The following TTLL4 variants were observed in gnomAD, a reference collection of about 807,000 sequenced individuals.
The protein encoded by TTLL4 is tubulin monoglutamylase TTLL4.
Under a neutral mutation model 122.7 loss-of-function variants are expected in TTLL4, and 85 were observed. The observed-to-expected ratio is 0.69, with a 90% CI of 0.58 to 0.83. The LOEUF is 0.83. Among genes scored for constraint, TTLL4 ranks in the 40% least tolerant of loss-of-function variants. The pLI is 0.00. For synonymous variants in TTLL4, 553 were observed against 563.0 expected, an observed-to-expected ratio of 0.98 and a Z score of 0.25; for missense variants, 1,363 against 1,488.6, an observed-to-expected ratio of 0.92 and a Z score of 1.39.
At position 218,754,461 on chromosome 2, in the gene TTLL4, C is replaced by G; in HGVS notation, c.*72C>G. Reference sequence around the variant, plus strand: ...ACCTCACGGGAACCAGCCTGCTGTTCAGACCAGTCTGACCCCCTACCCCTT... The same window carrying G: ...ACCTCACGGGAACCAGCCTGCTGTTGAGACCAGTCTGACCCCCTACCCCTT... On this transcript the variant is annotated 3_prime_UTR_variant, in exon 20 of 20. Coordinates refer to ENST00000392102, the MANE Select transcript of TTLL4 (RefSeq NM_014640.5). 3 of 1,587,676 alleles carry G rather than the reference C, an allele frequency of 1.9e-6. No individual in the cohort carries two copies. Among genetic ancestry groups the G allele is most frequent in the Non-Finnish European group, 2.6e-6 (3 of 1,165,892 alleles).
At position 218,754,177 on chromosome 2, in the gene TTLL4, G is replaced by A. The variant is rs773432432; in HGVS notation, c.3388G>A (p.Gly1130Arg). The change falls in exon 20 of 20, where the codon GGG becomes AGG. Residue 1130 changes from glycine to arginine, a missense_variant. Gly to Arg is a moderately radical substitution (Grantham distance 125). This residue lies in a region of TTLL4 where 596 missense variants were observed against 655.8 expected (regional missense o/e 0.91). Transcript: ENST00000392102. ...GGTTAGCCTACTACTCTCTGAAGAC[G>A]GGACCACGCCCAAATCCAAGAAGAC... ...CEVSLLLSEDGTTPKSKKTQA... is the reference protein window; with the variant it reads ...CEVSLLLSEDRTTPKSKKTQA... 11 of 1,613,956 alleles carry A rather than the reference G, an allele frequency of 6.8e-6. No homozygotes were observed. Among genetic ancestry groups the A allele is most frequent in the South Asian group, 2.2e-5 (2 of 91,088 alleles).
chr2:218,739,394 T>G (rs1224000776), intron 3 of TTLL4, among the ~76,000 whole-genome samples: 1 of 152,236 alleles, frequency 6.6e-6, no homozygotes, highest in Non-Finnish European at 1.5e-5. Flanking sequence ...GTCCATTCAT[T>G]TGCAGTTGTC....
chr2:218,712,029 A>G (rs1941724397), intron 1 of TTLL4, among the ~76,000 whole-genome samples: 1 of 151,966 alleles, frequency 6.6e-6, no homozygotes, highest in African/African-American at 2.4e-5. Context: ...GCAGCTACTT[A>G]TATTGGACTG....
intron 2 of TTLL4, among the ~76,000 whole-genome samples, chr2:218,732,826 A>C (rs559896875): frequency 6.6e-6 from 1 of 152,332 alleles, no homozygotes; most frequent in African/African-American, 2.4e-5. Context: ...TTTTGATCTC[A>C]TCAGGAATCT....
At chr2:218,723,515 T>C (rs1942103073) in intron 1 of TTLL4, among the ~76,000 whole-genome samples, 1 of 152,198 alleles carries the variant, frequency 6.6e-6, no homozygotes, top group Admixed American at 6.5e-5. Context: ...AGCCAGAGTT[T>C]ACAAATTCAC....
intron 14 of TTLL4, 80 bp downstream of exon 14, chr2:218,749,467 CT>C (rs368058156): frequency 0.15 from 181,733 of 1,179,508 alleles, 521 homozygotes; most frequent in African/African-American, 0.21. Context: ...GTAAGTTGTT[CT>C]TTTTTTTTTT....
rs1276881077 is a variant in TTLL4 at position 218,725,016 on chromosome 2, C to T, written c.-177-2253C>T. Among the ~76,000 whole-genome samples, 8 of 152,124 alleles carry T rather than the reference C, an allele frequency of 5.3e-5. 1 individual carries two copies. The highest frequency in any genetic ancestry group is 5.2e-4 in the Admixed American group (8 of 15,276). ...TTGGGCTCAGGCGATCCTTCTACTT[C>T]AGCTCCCCGACTAGCTGGGACCATA... is the stretch of plus-strand genomic sequence containing the variant. On this transcript the variant is annotated intron_variant, in intron 1 of 19. Transcript: ENST00000392102.
At position 218,755,214 on chromosome 2, in the gene TTLL4, G is replaced by T. The variant is rs1195666683; in HGVS notation, c.*825G>T. ...ACAGTCCAGGGGGAGGGTGGAAGGA[G>T]ATGTGGTTTCTCTATAGTGCAACAA... On this transcript the variant is annotated 3_prime_UTR_variant, in exon 20 of 20. Transcript: ENST00000392102. The T allele has an allele frequency of 6.6e-6, 1 of 152,180 alleles. No individual in the cohort carries two copies. Among genetic ancestry groups the T allele is most frequent in the Non-Finnish European group, 1.5e-5 (1 of 68,068 alleles). The allele number at this position is 152,180 out of a possible 1,614,324, so 9.4% of individuals were successfully genotyped here.
At chr2:218,749,538 G>A (rs895793388) in intron 14 of TTLL4, 151 bp downstream of exon 14, 21 of 1,203,568 alleles carry the variant, frequency 1.7e-5, no homozygotes, top group Non-Finnish European at 2.1e-5. Context: ...GCGCAATCTT[G>A]GCTTACTGCA....
In TTLL4 at chr2:218,737,896, G is replaced by A. The variant is rs763400004; in HGVS notation, c.220G>A (p.Val74Ile). 14 of 1,614,086 alleles carry A rather than the reference G, an allele frequency of 8.7e-6. No homozygotes were observed. In the East Asian group the frequency reaches 2.2e-4, roughly 26 times the overall value. Residue 74 changes from valine (V) to isoleucine (I), a missense_variant, in exon 3 of 20, where the codon GTC becomes ATC. Val to Ile is a conservative substitution (Grantham distance 29). Coordinates refer to ENST00000392102, the MANE Select transcript of TTLL4 (RefSeq NM_014640.5). ...AGGGTTGGGCCCAGGCCTCTTGGGC[G>A]TCCCACCCCAGCCAGCATATTTCTT... ...SAGLGPGLLG[V>I]PPQPAYFFCP... is the part of the protein sequence containing the mutation.
At chr2:218,752,717 C>T (rs367674945) in intron 16 of TTLL4, 46 bp from the exon 17 acceptor site, 90 of 1,605,940 alleles carry the variant, frequency 5.6e-5, no homozygotes, top group Non-Finnish European at 7.5e-5. Flanking sequence ...CTGCCCCTGG[C>T]TTACACTCTC....
chr2:218,740,171 A>C lies in TTLL4; in HGVS notation c.1597+4A>C. ...GATGAGAATGAAGAGGAGGAGGGTG[A>C]GTAGGAAACCCTTTCACTTCCAACT... On this transcript the variant is annotated splice_donor_region_variant and intron_variant, in intron 4 of 19. Transcript: ENST00000392102. The C allele has an allele frequency of 6.2e-7, 1 of 1,613,834 alleles. No homozygotes were observed. The highest frequency in any genetic ancestry group is 1.7e-4 in the Middle Eastern group (1 of 6,052).
downstream of TTLL4, among the ~76,000 whole-genome samples, chr2:218,759,458 A>G (rs1169564650): frequency 1.3e-5 from 2 of 152,242 alleles, no homozygotes; most frequent in Non-Finnish European, 2.9e-5. Flanking sequence ...CTAAGCGAGA[A>G]CAAGCCAGAA....
rs1022348567 is a variant in TTLL4 at position 218,754,476 on chromosome 2, C to T, written c.*87C>T. On this transcript the variant is annotated 3_prime_UTR_variant, in exon 20 of 20. Coordinates refer to ENST00000392102, the MANE Select transcript of TTLL4 (RefSeq NM_014640.5). ...GCCTGCTGTTCAGACCAGTCTGACCCCCTACCCCTTTCACCCTGTCCCTCC... is the reference window on the plus strand; with the variant it reads ...GCCTGCTGTTCAGACCAGTCTGACCTCCTACCCCTTTCACCCTGTCCCTCC... The T allele has an allele frequency of 1.3e-6, 2 of 1,527,656 alleles. No individual in the cohort carries two copies. Among genetic ancestry groups the T allele is most frequent in the Non-Finnish European group, 8.9e-7 (1 of 1,126,646 alleles). 94.6% of individuals were successfully genotyped at this position (1,527,656 alleles called of 1,614,324 possible). A position where few individuals can be genotyped will look rare whatever the true frequency, so the allele number is the denominator to read the frequency against.
Position 218,747,150 on chromosome 2 carries a change from A to G in TTLL4, c.2122A>G (p.Lys708Glu), listed in dbSNP as rs1942866120. 6.2e-7 allele frequency: 1 copy of G among 1,614,204 alleles called. No individual in the cohort carries two copies. The highest frequency in any genetic ancestry group is 1.6e-4 in the Middle Eastern group (1 of 6,062). ...GCCCCAGGACGCCAAGCTCCTGCGC[A>G]AAGCGTGGGAGAGCAGCAGCCGCCA... Reference protein sequence around the residue: ...ILPQDAKLLRKAWESSSRQKW... With the variant: ...ILPQDAKLLREAWESSSRQKW... The change falls in exon 9 of 20, where the codon AAA (lysine) becomes GAA (glutamate). Residue 708 changes from lysine to glutamate, a missense_variant. Transcript: ENST00000392102. This position sits in a 1 kb window ranked among gnomAD's most constrained non-coding sequence, Gnocchi z 4.7.
At chr2:218,727,508 G>T (rs988509331) in intron 2 of TTLL4, among the ~76,000 whole-genome samples, 161 bp downstream of exon 2, 1 of 152,046 alleles carries the variant, frequency 6.6e-6, no homozygotes, top group Non-Finnish European at 1.5e-5. Context: ...GAGGCCAAGG[G>T]GGGTGGATCA....
At chr2:218,733,063 C>T (rs1159547946) in intron 2 of TTLL4, among the ~76,000 whole-genome samples, 1 of 152,126 alleles carries the variant, frequency 6.6e-6, no homozygotes, top group Non-Finnish European at 1.5e-5. Context: ...CTTATCCAAC[C>T]TTGGATATCT....
chr2:218,747,815 A>T lies in TTLL4; in HGVS notation c.2378+90A>T. The T allele has an allele frequency of 1.3e-6, 2 of 1,546,888 alleles. No homozygotes were observed. The highest frequency in any genetic ancestry group is 1.8e-6 in the Non-Finnish European group (2 of 1,139,464). ...AAACTAGAAGACACCAAACAGAAAA[A>T]TAGTTTTTGTTAGCAAGGGGAAAGG... On this transcript the variant is annotated intron_variant, in intron 11 of 19. Coordinates refer to ENST00000392102, the MANE Select transcript of TTLL4 (RefSeq NM_014640.5). This position sits in a 1 kb window ranked among gnomAD's most constrained non-coding sequence, Gnocchi z 4.7.
intron 1 of TTLL4, among the ~76,000 whole-genome samples, chr2:218,719,427 TA>T (rs1559356974): frequency 6.6e-6 from 1 of 151,852 alleles, no homozygotes; most frequent in African/African-American, 2.4e-5. Flanking sequence ...GTAAATAAAA[TA>T]TGGTAAGGAT....
Sources: allele counts gnomAD v4.1 joint callset (sites outside exome capture counted in the v4.1 genomes callset), GRCh38; gene constraint gnomAD v4.1.1; regional missense constraint gnomAD v4.1.1; non-coding constraint Gnocchi (gnomAD v3.1); transcripts MANE v1.5; gene names NCBI Gene and HGNC (gene_info 2026-07-23, HGNC 2026-07-21).